Variants in NF1 observed in about 807,000 individuals in gnomAD.
The protein encoded by NF1 is neurofibromin.
Under a neutral mutation model 325.7 loss-of-function variants are expected in NF1, and 122 were observed. That is an observed-to-expected ratio of 0.37 (90% CI 0.32 to 0.44). The LOEUF (loss-of-function observed/expected upper bound fraction) is 0.44. NF1 is among the 20% of genes least tolerant of loss of function. The pLI is 1.00. For synonymous variants in NF1, 1,091 were observed against 1,186.0 expected (o/e 0.92, Z 1.65); for missense variants, 2,140 against 3,415.4 (o/e 0.63, Z 9.31).
intron 1 of NF1, among the ~76,000 whole-genome samples, chr17:31,101,492 G>C (rs1426735121): frequency 2.0e-5 from 3 of 152,220 alleles, no homozygotes; most frequent in Middle Eastern, 3.4e-3. Flanking sequence ...CTGTGACCCA[G>C]CAGTCTATTG....
chr17:31,102,871 A>T (rs896520767), intron 1 of NF1, among the ~76,000 whole-genome samples: 4 of 150,258 alleles, frequency 2.7e-5, no homozygotes, highest in African/African-American at 7.4e-5. Flanking sequence ...TTTGAGATAG[A>T]GTCTCGCTCT....
At chr17:31,162,798 G>A (rs918659695) in intron 3 of NF1, among the ~76,000 whole-genome samples, 7 of 152,224 alleles carry the variant, frequency 4.6e-5, no homozygotes, top group South Asian at 2.1e-4. Flanking sequence ...TTACTTAAAT[G>A]TCAAGACAGA....
intron 25 of NF1, among the ~76,000 whole-genome samples, chr17:31,232,483 A>C (rs1250493537): frequency 2.6e-5 from 4 of 152,178 alleles, no homozygotes; most frequent in Non-Finnish European, 5.9e-5. Flanking sequence ...ATTTGATGCT[A>C]ATGTTATGAA....
At chr17:31,116,352 G>T (rs1913909966) in intron 1 of NF1, among the ~76,000 whole-genome samples, 1 of 152,104 alleles carries the variant, frequency 6.6e-6, no homozygotes, top group African/African-American at 2.4e-5. Flanking sequence ...AAAATTGCCA[G>T]GGTTAGCAAT....
chr17:31,360,620 C>T lies in NF1; in HGVS notation c.8294C>T (p.Ala2765Val), dbSNP rs779635437. 2 of 1,614,122 alleles carry T rather than the reference C, an allele frequency of 1.2e-6. No homozygotes were observed. Among genetic ancestry groups the T allele is most frequent in the Non-Finnish European group, 1.7e-6 (2 of 1,180,000 alleles). The change falls in exon 57 of 58, where the codon GCA (alanine) becomes GTA (valine). Residue 2765 changes from alanine to valine, a missense_variant. Physicochemically the swap from Ala to Val is moderately conservative, Grantham distance 64. This residue lies in a region of NF1 where 522 missense variants were observed against 749.0 expected (regional missense o/e 0.70). Coordinates refer to ENST00000358273, the MANE Select transcript of NF1 (RefSeq NM_001042492.3). The part of the protein sequence containing the change: ...LLTPTSPYPP[A>V]LQSQLSITAN... ...ACTCCCACATCTCCTTACCCTCCTG[C>T]ACTGCAGAGCCAGCTTAGTATCACT... is the stretch of plus-strand genomic sequence containing the variant.
chr17:31,139,250 A>G (rs1469917989), intron 1 of NF1, among the ~76,000 whole-genome samples: 1 of 151,776 alleles, frequency 6.6e-6, no homozygotes, highest in African/African-American at 2.4e-5. Flanking sequence ...GTTTCACCAT[A>G]TTGGCCAGGC....
At chr17:31,121,013 T>C (rs1914378611) in intron 1 of NF1, among the ~76,000 whole-genome samples, 2 of 152,208 alleles carry the variant, frequency 1.3e-5, no homozygotes, top group African/African-American at 4.8e-5. Flanking sequence ...ATTTACCACA[T>C]TTAACCTAGT....
intron 49 of NF1, 33 bp from the exon 50 acceptor site, chr17:31,350,150 A>G: frequency 3.1e-6 from 5 of 1,613,466 alleles, no homozygotes; most frequent in Non-Finnish European, 4.2e-6. Context: ...GTGATTTGTT[A>G]AATTTTTTAA....
At chr17:31,247,633 T>C (rs1037845131) in intron 29 of NF1, among the ~76,000 whole-genome samples, 4 of 152,244 alleles carry the variant, frequency 2.6e-5, no homozygotes, top group Non-Finnish European at 5.9e-5. Context: ...TAAAGTTATA[T>C]CTGCATATAC....
In NF1 at chr17:31,276,685, G is replaced by C. The variant is rs376079337; in HGVS notation, c.4835+11346G>C. Among the ~76,000 whole-genome samples, 57 of 152,228 alleles carry C rather than the reference G, an allele frequency of 3.7e-4. 1 individual carries two copies. The South Asian group carries it at 9.1e-3, about 24-fold the overall frequency. On this transcript the variant is annotated intron_variant, in intron 36 of 57. Coordinates refer to ENST00000358273, the MANE Select transcript of NF1 (RefSeq NM_001042492.3). ...TGGGGTGCTGTTCCATTTTCTACTGGAGTGTTACATAATACATGATAAGAA... is the reference window on the plus strand; with the variant it reads ...TGGGGTGCTGTTCCATTTTCTACTGCAGTGTTACATAATACATGATAAGAA...
intron 16 of NF1, among the ~76,000 whole-genome samples, chr17:31,224,322 C>T (rs1482927781): frequency 2.0e-5 from 3 of 152,072 alleles, no homozygotes; most frequent in African/African-American, 4.8e-5. Flanking sequence ...GCCTAGTTTT[C>T]GGAGTACTTG....
intron 57 of NF1, among the ~76,000 whole-genome samples, chr17:31,372,281 T>G (rs2070657329): frequency 6.6e-6 from 1 of 152,176 alleles, no homozygotes; most frequent in Admixed American, 6.5e-5. Context: ...GTGTGGGTGT[T>G]TTTTTCCTAC....
chr17:31,245,719 C>A (rs537718556), intron 29 of NF1, among the ~76,000 whole-genome samples: 2 of 152,300 alleles, frequency 1.3e-5, no homozygotes, highest in East Asian at 3.9e-4. Context: ...AGGTGCACTA[C>A]CCTCCAGGCA....
intron 36 of NF1, 111 bp downstream of exon 36, chr17:31,265,450 A>G: frequency 1.3e-6 from 1 of 779,548 alleles, no homozygotes; most frequent in Non-Finnish European, 2.2e-6. Context: ...ATTGAAGACA[A>G]GTTTACTTGG....
rs1316039317 is a variant in NF1 at position 31,158,123 on chromosome 17, T to G, written c.205-887T>G. ...CCGACCCTTCTTACCTCTAGTGTCC[T>G]CTCTTCTACTTTTTACTCTTTTTAG... On this transcript the variant is annotated intron_variant, in intron 2 of 57. Coordinates refer to ENST00000358273, the MANE Select transcript of NF1 (RefSeq NM_001042492.3). 2.6e-5 allele frequency among the ~76,000 whole-genome samples: 4 copies of G among 152,320 alleles called. No individual in the cohort carries two copies. The East Asian group carries it at 7.7e-4, about 29-fold the overall frequency.
chr17:31,274,855 C>T (rs912364684), intron 36 of NF1, among the ~76,000 whole-genome samples: 1 of 152,136 alleles, frequency 6.6e-6, no homozygotes, highest in Non-Finnish European at 1.5e-5. Flanking sequence ...ATTGATGCTT[C>T]AAACACCTCA....
Position 31,095,264 on chromosome 17 carries a change from C to G in NF1, c.-46C>G. On this transcript the variant is annotated 5_prime_UTR_variant, in exon 1 of 58. Transcript: ENST00000358273. The stretch of plus-strand genomic sequence containing the variant: ...TCCCCGCCCTCTTCCCGGCCCAGGG[C>G]GCCGGCCCACCCTTCCCTCCGCCGC... 6.6e-7 allele frequency: 1 copy of G among 1,522,588 alleles called. No homozygotes were observed. The highest frequency in any genetic ancestry group is 8.8e-7 in the Non-Finnish European group (1 of 1,135,928). The allele number at this position is 1,522,588 out of a possible 1,614,324, so 94.3% of individuals were successfully genotyped here. A position where few individuals can be genotyped will look rare whatever the true frequency, so the allele number is the denominator to read the frequency against.
rs2151558236 is a variant in NF1 at position 31,338,088 on chromosome 17, C to G, written c.6768C>G (p.Ser2256Arg). 6.2e-7 allele frequency: 1 copy of G among 1,613,946 alleles called. No individual in the cohort carries two copies. Among genetic ancestry groups the G allele is most frequent in the South Asian group, 1.1e-5 (1 of 91,078 alleles). The change falls in exon 45 of 58, where the codon AGC becomes AGG. Residue 2256 changes from serine (S) to arginine (R), a missense_variant. Ser to Arg is a moderately radical substitution (Grantham distance 110, BLOSUM62 -1). Transcript: ENST00000358273. ...PRALVVFGCI[S>R]KRVSHGQIKQ... ...CTCTTGTTGTCTTTGGGTGTATTAG[C>G]AAACGAGTGTCTCATGGGCAGATAA... is the stretch of plus-strand genomic sequence containing the variant.
chr17:31,191,735 T>G, intron 8 of NF1, among the ~76,000 whole-genome samples: 1 of 152,268 alleles, frequency 6.6e-6, no homozygotes, highest in Non-Finnish European at 1.5e-5. Flanking sequence ...ATTTAATAAG[T>G]GATATAAAAG....
Sources: gnomAD v4.1 joint callset for allele counts (sites outside exome capture counted in the v4.1 genomes callset) on GRCh38, gnomAD v4.1.1 for gene constraint, gnomAD v4.1.1 regional missense constraint, MANE v1.5 for transcripts, NCBI Gene and HGNC (gene_info 2026-07-23, HGNC 2026-07-21) for gene names.